KMT5B: variants seen among roughly 807,000 people sequenced by gnomAD.
KMT5B encodes the protein lysine methyltransferase 5B.
KMT5B carries 10 observed loss-of-function variants against 83.2 expected under a neutral mutation model. That is an observed-to-expected ratio of 0.12 (90% confidence interval 0.07 to 0.20). KMT5B has a LOEUF of 0.20. Ranked by LOEUF, KMT5B falls within the 10% of genes least tolerant of loss-of-function variation. KMT5B has a pLI of 1.00. For missense variants in KMT5B, 753 were observed against 1,067.2 expected, an observed-to-expected ratio of 0.71 and a Z score of 4.10; for synonymous variants, 349 against 388.8, an observed-to-expected ratio of 0.90 and a Z score of 1.20.
intron 1 of KMT5B, among the ~76,000 whole-genome samples, chr11:68,201,573 T>A (rs907026158): frequency 2.0e-5 from 3 of 151,706 alleles, no homozygotes; most frequent in East Asian, 1.9e-4. Context: ...AAAAACAAAC[T>A]AAGATTAAAA....
intron 6 of KMT5B, 46 bp downstream of exon 6, chr11:68,173,758 G>A (rs778285092): frequency 8.2e-6 from 10 of 1,224,572 alleles, no homozygotes; most frequent in Non-Finnish European, 1.2e-5. Context: ...TAATTTAGAA[G>A]AGAACTTTAA....
chr11:68,209,636 C>T (rs928807788), intron 1 of KMT5B, among the ~76,000 whole-genome samples: 10 of 152,156 alleles, frequency 6.6e-5, no homozygotes, highest in Non-Finnish European at 1.2e-4. Flanking sequence ...GATTCGCTAG[C>T]TCAGCAACCC....
chr11:68,183,117 C>A (rs984802456), intron 3 of KMT5B, among the ~76,000 whole-genome samples: 1 of 151,858 alleles, frequency 6.6e-6, no homozygotes, highest in Admixed American at 6.6e-5. Flanking sequence ...TTCTTGATGA[C>A]CCCAGGTCAA....
intron 1 of KMT5B, among the ~76,000 whole-genome samples, chr11:68,190,751 T>C (rs961360892): frequency 6.6e-6 from 1 of 152,146 alleles, no homozygotes; most frequent in Non-Finnish European, 1.5e-5. Context: ...TGGGGGGCCA[T>C]GGCAGGCGGA....
chr11:68,176,007 C>G (rs1005210999), intron 4 of KMT5B, among the ~76,000 whole-genome samples: 1 of 151,512 alleles, frequency 6.6e-6, no homozygotes, highest in African/African-American at 2.4e-5. Context: ...CTCTGCCTCC[C>G]GGGTTCAAGT....
At chr11:68,200,078 C>T (rs573124577) in intron 1 of KMT5B, among the ~76,000 whole-genome samples, 26 of 152,164 alleles carry the variant, frequency 1.7e-4, no homozygotes, top group Admixed American at 7.2e-4. Flanking sequence ...AGCTGGATAC[C>T]AGGGTCTGGA....
chr11:68,180,181 A>G lies in KMT5B; in HGVS notation c.328T>C (p.Ser110Pro). 6.4e-7 allele frequency: 1 copy of G among 1,565,494 alleles called. No homozygotes were observed. The highest frequency in any genetic ancestry group is 8.8e-7 in the Non-Finnish European group (1 of 1,140,216). Residue 110 changes from serine to proline, a missense_variant, in exon 4 of 11, where the codon TCA becomes CCA. By Grantham distance (74) the Ser-to-Pro change is moderately conservative (BLOSUM62 -1). Coordinates refer to ENST00000304363, the MANE Select transcript of KMT5B (RefSeq NM_017635.5). The part of the protein sequence containing the change: ...MNTSAFPSRS[S>P]RHFSKSDSFS... ...CTGTCAGATTTTGAAAAATGCCTTGAGCTCCTCGAAGGAAAGGCGCTATAT... is the reference window on the plus strand; with the variant it reads ...CTGTCAGATTTTGAAAAATGCCTTGGGCTCCTCGAAGGAAAGGCGCTATAT...
At chr11:68,196,951 A>C (rs759394160) in intron 1 of KMT5B, among the ~76,000 whole-genome samples, 5 of 152,120 alleles carry the variant, frequency 3.3e-5, no homozygotes, top group Non-Finnish European at 7.4e-5. Context: ...ATGGAATAGA[A>C]AGGTTATCCA....
intron 1 of KMT5B, among the ~76,000 whole-genome samples, chr11:68,205,324 CATAA>C (rs1176400242): frequency 5.3e-5 from 8 of 151,902 alleles, no homozygotes; most frequent in Admixed American, 2.6e-4. Context: ...CCTTTAAAAA[CATAA>C]ATAAATAAAA....
intron 1 of KMT5B, among the ~76,000 whole-genome samples, chr11:68,205,770 G>A (rs554946178): frequency 5.3e-4 from 80 of 151,854 alleles, no homozygotes; most frequent in African/African-American, 9.4e-4. Context: ...ACAGACACCC[G>A]CCACCACAAT....
intron 2 of KMT5B, among the ~76,000 whole-genome samples, chr11:68,187,417 G>A (rs1426345168): frequency 1.3e-5 from 2 of 152,112 alleles, no homozygotes; most frequent in Admixed American, 6.6e-5. Context: ...AATGTTTTCT[G>A]ATTTCCTTTT....
chr11:68,166,180 A>C (rs963862749), intron 10 of KMT5B: 1 of 1,332,264 alleles, frequency 7.5e-7, no homozygotes, highest in African/African-American at 1.5e-5. Context: ...AACTACAGAA[A>C]ACTGGTGTTA....
At chr11:68,179,336 A>C in intron 4 of KMT5B, 1 of 870,352 alleles carries the variant, frequency 1.1e-6, no homozygotes, top group Non-Finnish European at 1.6e-6. Context: ...ACTTTAAATC[A>C]ACCAAACATA....
chr11:68,212,692 G>GC (rs1342310015), intron 1 of KMT5B: 1 of 152,030 alleles, frequency 6.6e-6, no homozygotes, highest in Non-Finnish European at 1.5e-5. Context: ...GGGGAGGAGG[G>GC]TGGGCTGCAG....
chr11:68,213,481 C>T (rs1291896088), upstream of KMT5B: 2 of 149,684 alleles, frequency 1.3e-5, no homozygotes, highest in Non-Finnish European at 3.0e-5. Flanking sequence ...CCTCACCTCG[C>T]CTCGCGCACG....
In KMT5B at chr11:68,158,160, T is replaced by C. The variant is rs760722182; in HGVS notation, c.2186A>G (p.Lys729Arg). The change falls in exon 11 of 11, where the codon AAA becomes AGA. Residue 729 changes from lysine to arginine, a missense_variant. Physicochemically the swap from Lys to Arg is conservative, Grantham distance 26 (BLOSUM62 2). Around this residue, in one of 9 missense-constraint regions of KMT5B, gnomAD observed 161 missense variants for 195.1 expected, o/e 0.83. Coordinates refer to ENST00000304363, the MANE Select transcript of KMT5B (RefSeq NM_017635.5). The stretch of plus-strand genomic sequence containing the variant: ...TCCATCATTCTCTTGGTCATTTGTT[T>C]TGCTGCTGCTATCATGACGCCTACG... ...TLRRRHDSSS[K>R]TNDQENDGMN... The C allele has an allele frequency of 6.2e-7, 1 of 1,614,202 alleles. No individual in the cohort carries two copies. Among genetic ancestry groups the C allele is most frequent in the East Asian group, 2.2e-5 (1 of 44,888 alleles).
At chr11:68,168,587 C>T (rs763808124) in intron 9 of KMT5B, among the ~76,000 whole-genome samples, 7 of 152,186 alleles carry the variant, frequency 4.6e-5, no homozygotes, top group Admixed American at 1.3e-4. Flanking sequence ...CCACCTGCCT[C>T]AGCCTCCCAA....
chr11:68,189,838 CAG>C (rs1207648240), intron 2 of KMT5B, 77 bp downstream of exon 2: 18 of 1,355,586 alleles, frequency 1.3e-5, no homozygotes, highest in East Asian at 2.5e-5. Context: ...CAAAAGAAAA[CAG>C]AATACACATT....
intron 5 of KMT5B, 103 bp from the exon 6 acceptor site, chr11:68,174,016 A>G: frequency 1.3e-6 from 1 of 796,870 alleles, no homozygotes; most frequent in South Asian, 1.4e-5. Flanking sequence ...AAAAAAATGT[A>G]AGATCTAGCC....
Sources: allele counts gnomAD v4.1 joint callset (sites outside exome capture counted in the v4.1 genomes callset), GRCh38; gene constraint gnomAD v4.1.1; regional missense constraint gnomAD v4.1.1; transcripts MANE v1.5; gene names NCBI Gene and HGNC (gene_info 2026-07-23, HGNC 2026-07-21).